CES5A: variants seen among roughly 807,000 people sequenced by gnomAD.
The protein encoded by CES5A is carboxylesterase 5A, also known as carboxylesterase 5.
CES5A carries 67 observed loss-of-function variants against 62.9 expected under a neutral mutation model. The ratio of observed to expected loss-of-function variants is 1.07; its 90% CI spans 0.88 to 1.31. CES5A has a LOEUF of 1.31. Among genes scored for constraint, CES5A ranks in the 50% most tolerant of loss-of-function variants. The pLI is 0.00. For missense variants in CES5A, 748 were observed against 708.5 expected, an observed-to-expected ratio of 1.06 and a Z score of -0.63; for synonymous variants, 296 against 280.8, an observed-to-expected ratio of 1.05 and a Z score of -0.54.
intron 1 of CES5A, among the ~76,000 whole-genome samples, chr16:55,955,692 C>T (rs1388552537): frequency 6.6e-6 from 1 of 152,212 alleles, no homozygotes; most frequent in African/African-American, 2.4e-5. Context: ...GTTCTCCTGG[C>T]AGTCAAGGTA....
chr16:55,883,380 T>C (rs1205313686), intron 1 of CES5A, among the ~76,000 whole-genome samples: 1 of 152,212 alleles, frequency 6.6e-6, no homozygotes, highest in Admixed American at 6.5e-5. Flanking sequence ...CAAGTGATTC[T>C]CCTGCCTCAG....
intron 1 of CES5A, among the ~76,000 whole-genome samples, chr16:55,894,390 C>T (rs914269057): frequency 1.3e-5 from 2 of 151,338 alleles, no homozygotes; most frequent in East Asian, 2.0e-4. Flanking sequence ...TGCCTGTAGT[C>T]CCAGCTACTT....
intron 1 of CES5A, among the ~76,000 whole-genome samples, chr16:55,898,911 C>T (rs1292163545): frequency 1.3e-5 from 2 of 152,072 alleles, no homozygotes; most frequent in African/African-American, 4.8e-5. Context: ...CTCTCTCAAC[C>T]ACCTCATAAT....
intron 1 of CES5A, among the ~76,000 whole-genome samples, chr16:55,924,836 C>G (rs554649933): frequency 6.6e-6 from 1 of 152,020 alleles, no homozygotes; most frequent in South Asian, 2.1e-4. Flanking sequence ...GAAACTAGAC[C>G]CCTATCTCTT....
exon 1 of CES5A, chr16:55,925,344 C>G (rs1170424484): frequency 1.3e-5 from 2 of 151,782 alleles, no homozygotes; most frequent in Non-Finnish European, 3.0e-5. Context: ...TGGTTTTTAT[C>G]AAAAAGACAG....
chr16:55,849,796 C>G, intron 10 of CES5A, 23 bp from the exon 11 acceptor site: 1 of 1,612,122 alleles, frequency 6.2e-7, no homozygotes, highest in Non-Finnish European at 8.5e-7. Context: ...CAGGGAAGGT[C>G]AGGCATGCAT....
In CES5A at chr16:55,846,397, G is replaced by T; in HGVS notation, c.*54C>A. 2 of 1,368,170 alleles carry T rather than the reference G, an allele frequency of 1.5e-6. No homozygotes were observed. The highest frequency in any genetic ancestry group is 2.1e-6 in the Non-Finnish European group (2 of 963,952). 84.8% of individuals were successfully genotyped at this position (1,368,170 alleles called of 1,614,324 possible). ...TGAGCTCAGAAAGAAGCTAATGATTGCGGGAGAAATTATGGGAGGAGAAGG... is the reference window on the plus strand; with the variant it reads ...TGAGCTCAGAAAGAAGCTAATGATTTCGGGAGAAATTATGGGAGGAGAAGG... On this transcript the variant is annotated 3_prime_UTR_variant, in exon 13 of 13. Coordinates refer to ENST00000290567, the MANE Select transcript of CES5A (RefSeq NM_001143685.2).
chr16:55,930,513 C>A (rs1597154616), intron 2 of CES5A, among the ~76,000 whole-genome samples: 2 of 152,156 alleles, frequency 1.3e-5, no homozygotes, highest in South Asian at 2.1e-4. Context: ...CTGGTTTTTG[C>A]ACCCCTTAGC....
chr16:55,949,776 A>G (rs1279230633), intron 2 of CES5A: 1 of 1,397,594 alleles, frequency 7.2e-7, no homozygotes, highest in Non-Finnish European at 9.6e-7. Context: ...TTCTTGTCAA[A>G]CAACTCACCC....
At chr16:55,873,512 T>C (rs2142414924) in intron 2 of CES5A, among the ~76,000 whole-genome samples, 1 of 152,056 alleles carries the variant, frequency 6.6e-6, no homozygotes, top group South Asian at 2.1e-4. Context: ...TCAGCACTTC[T>C]AAAAAAAACT....
intron 1 of CES5A, among the ~76,000 whole-genome samples, chr16:55,880,656 TGGACTG>T (rs2033752349): frequency 1.3e-5 from 2 of 152,306 alleles, no homozygotes; most frequent in Admixed American, 6.5e-5. Context: ...CTGTCAGTGG[TGGACTG>T]GGATGTGGTT....
At chr16:55,853,933 C>T (rs1316714699) in intron 9 of CES5A, among the ~76,000 whole-genome samples, 9 of 152,214 alleles carry the variant, frequency 5.9e-5, no homozygotes, top group African/African-American at 1.9e-4. Flanking sequence ...GAAGTGTACA[C>T]CACATTGGGG....
chr16:55,927,240 G>A (rs1437652393), upstream of CES5A, among the ~76,000 whole-genome samples: 1 of 152,088 alleles, frequency 6.6e-6, no homozygotes, highest in Non-Finnish European at 1.5e-5. Flanking sequence ...AAAAGCAAAT[G>A]CAATATAATC....
intron 1 of CES5A, among the ~76,000 whole-genome samples, chr16:55,903,289 G>T (rs921296328): frequency 6.6e-6 from 1 of 152,166 alleles, no homozygotes; most frequent in Non-Finnish European, 1.5e-5. Context: ...AGCCATAACT[G>T]CCTCATAAAA....
At chr16:55,946,617 T>C (rs1208775148) in intron 2 of CES5A, among the ~76,000 whole-genome samples, 2 of 152,256 alleles carry the variant, frequency 1.3e-5, no homozygotes, top group African/African-American at 4.8e-5. Context: ...GAATGTTTTC[T>C]GGAAGAGTGT....
At chr16:55,853,808 T>A (rs2033178397) in intron 9 of CES5A, among the ~76,000 whole-genome samples, 1 of 152,168 alleles carries the variant, frequency 6.6e-6, no homozygotes. Context: ...CATGGTAAAT[T>A]CCATGAAGAT....
At chr16:55,930,141 C>T (rs1478759718), upstream of CES5A, among the ~76,000 whole-genome samples, 1 of 152,114 alleles carries the variant, frequency 6.6e-6, no homozygotes, top group African/African-American at 2.4e-5. Context: ...CTTCCTTATC[C>T]CAAGCACACC....
intron 5 of CES5A, among the ~76,000 whole-genome samples, chr16:55,865,678 A>G (rs1195532257): frequency 6.6e-6 from 1 of 152,206 alleles, no homozygotes; most frequent in African/African-American, 2.4e-5. Context: ...CATTCTGGCA[A>G]TTGAATACTA....
intron 1 of CES5A, among the ~76,000 whole-genome samples, chr16:55,903,351 G>T (rs1172480833): frequency 6.6e-6 from 1 of 152,202 alleles, no homozygotes; most frequent in African/African-American, 2.4e-5. Context: ...AACAATATTT[G>T]TTTTTAACAA....
Sources: allele counts gnomAD v4.1 joint callset (sites outside exome capture counted in the v4.1 genomes callset), GRCh38; gene constraint gnomAD v4.1.1; transcripts MANE v1.5; gene names NCBI Gene and HGNC (gene_info 2026-07-23, HGNC 2026-07-21).